The following PTPRK variants were observed in gnomAD, a reference collection of about 807,000 sequenced individuals.
The protein encoded by PTPRK is protein tyrosine phosphatase receptor type K.
Under a neutral mutation model 178.0 loss-of-function variants are expected in PTPRK, and 75 were observed. The ratio of observed to expected loss-of-function variants is 0.42; its 90% CI spans 0.35 to 0.51. The LOEUF (loss-of-function observed/expected upper bound fraction) is 0.51. Ranked by LOEUF, PTPRK falls within the 20% of genes least tolerant of loss-of-function variation. PTPRK has a pLI of 0.02. For missense variants in PTPRK, 1,441 were observed against 1,797.8 expected (o/e 0.80, Z 3.59); for synonymous variants, 637 against 620.6 (o/e 1.03, Z -0.39).
chr6:128,163,749 A>G lies in PTPRK; in HGVS notation c.1162+20683T>C, dbSNP rs561069373. Among the ~76,000 whole-genome samples the G allele has an allele frequency of 1.5e-4, 23 of 151,640 alleles. No homozygotes were observed. In the East Asian group the frequency reaches 4.3e-3, roughly 28 times the overall value. ...CATTTAATAGAGGGAAGTCTAATAAATATTGTAATTTCAAAGTAGTGAACA... is the reference window on the plus strand; with the variant it reads ...CATTTAATAGAGGGAAGTCTAATAAGTATTGTAATTTCAAAGTAGTGAACA... On this transcript the variant is annotated intron_variant, in intron 7 of 29. Coordinates refer to ENST00000368226, the MANE Select transcript of PTPRK (RefSeq NM_002844.4).
At chr6:128,332,314 T>C (rs1830380926) in intron 2 of PTPRK, among the ~76,000 whole-genome samples, 1 of 152,216 alleles carries the variant, frequency 6.6e-6, no homozygotes. Context: ...TATAATAGGT[T>C]TTGATTTCCT....
At chr6:128,306,102 T>C (rs961227016) in intron 3 of PTPRK, among the ~76,000 whole-genome samples, 1 of 152,180 alleles carries the variant, frequency 6.6e-6, no homozygotes, top group Non-Finnish European at 1.5e-5. Context: ...GATTCAGTTA[T>C]CTTCACCTGT....
chr6:128,225,546 T>C (rs1008971276), intron 5 of PTPRK, among the ~76,000 whole-genome samples: 6 of 152,172 alleles, frequency 3.9e-5, no homozygotes, highest in African/African-American at 1.4e-4. Context: ...ATAAAGATAC[T>C]ATCATCATCA....
chr6:128,023,062 A>G (rs1773772145), intron 13 of PTPRK, among the ~76,000 whole-genome samples: 1 of 152,224 alleles, frequency 6.6e-6, no homozygotes, highest in African/African-American at 2.4e-5. Flanking sequence ...TCTGACCTGT[A>G]GTGAACTCAG....
intron 13 of PTPRK, among the ~76,000 whole-genome samples, chr6:128,052,304 C>T (rs915152318): frequency 6.6e-6 from 1 of 152,164 alleles, no homozygotes; most frequent in African/African-American, 2.4e-5. Context: ...GACGTTCAAA[C>T]TTAAGAAAAT....
Position 128,066,975 on chromosome 6 carries a change from G to A in PTPRK, c.2157+544C>T, listed in dbSNP as rs547585122. On this transcript the variant is annotated intron_variant, in intron 12 of 29. Coordinates refer to ENST00000368226, the MANE Select transcript of PTPRK (RefSeq NM_002844.4). Reference sequence around the variant, plus strand: ...TGTAATGGCTCAGCAGCCAGTCATCGCCAGGCTGCCTTTTGTTTAGGTTCA... The same window carrying A: ...TGTAATGGCTCAGCAGCCAGTCATCACCAGGCTGCCTTTTGTTTAGGTTCA... 2.8e-4 allele frequency among the ~76,000 whole-genome samples: 43 copies of A among 152,212 alleles called. No homozygotes were observed. In the East Asian group the frequency reaches 7.1e-3, roughly 25 times the overall value.
intron 15 of PTPRK, among the ~76,000 whole-genome samples, chr6:128,002,234 G>C (rs1031009037): frequency 1.3e-5 from 2 of 151,662 alleles, no homozygotes; most frequent in Non-Finnish European, 2.9e-5. Context: ...ATTGAACATT[G>C]ATTGTATGTA....
At chr6:128,366,785 T>C (rs1198993613) in intron 2 of PTPRK, among the ~76,000 whole-genome samples, 1 of 152,082 alleles carries the variant, frequency 6.6e-6, no homozygotes, top group East Asian at 1.9e-4. Context: ...TCATGAAACA[T>C]AAAAGAGAGT....
intron 3 of PTPRK, among the ~76,000 whole-genome samples, chr6:128,268,315 G>A (rs1819269144): frequency 6.6e-6 from 1 of 151,862 alleles, no homozygotes; most frequent in African/African-American, 2.4e-5. Context: ...TTAAATTGAT[G>A]GTGATGACTT....
At chr6:128,324,183 C>A (rs965218943) in intron 2 of PTPRK, among the ~76,000 whole-genome samples, 1 of 152,020 alleles carries the variant, frequency 6.6e-6, no homozygotes, top group Non-Finnish European at 1.5e-5. Flanking sequence ...ACAGTTCCAC[C>A]CCCTCCCCTC....
At chr6:128,384,627 G>T (rs1400610489) in intron 2 of PTPRK, among the ~76,000 whole-genome samples, 1 of 152,158 alleles carries the variant, frequency 6.6e-6, no homozygotes, top group Non-Finnish European at 1.5e-5. Flanking sequence ...TAAAACATCA[G>T]AATAGTACAG....
chr6:128,466,172 A>G lies in PTPRK; in HGVS notation c.100+54087T>C, dbSNP rs545441822. Among the ~76,000 whole-genome samples, 6 of 152,260 alleles carry G rather than the reference A, an allele frequency of 3.9e-5. No individual in the cohort carries two copies. In the South Asian group the frequency reaches 6.2e-4, roughly 16 times the overall value. Reference sequence around the variant, plus strand: ...GTTTTTTTCCTGAATGTTTTCTTGTAGCAACTACTGTCAGTTTACTTGGCT... The same window carrying G: ...GTTTTTTTCCTGAATGTTTTCTTGTGGCAACTACTGTCAGTTTACTTGGCT... On this transcript the variant is annotated intron_variant, in intron 1 of 29. Transcript: ENST00000368226.
chr6:128,486,377 C>T (rs978087085), intron 1 of PTPRK, among the ~76,000 whole-genome samples: 27 of 152,066 alleles, frequency 1.8e-4, no homozygotes, highest in African/African-American at 6.3e-4. Flanking sequence ...GGTAAACTAA[C>T]TATGACACCA....
At chr6:128,100,129 T>C (rs999342254) in intron 7 of PTPRK, among the ~76,000 whole-genome samples, 2 of 151,834 alleles carry the variant, frequency 1.3e-5, no homozygotes, top group African/African-American at 4.8e-5. Flanking sequence ...CAAAAAGAAT[T>C]ACAAAACTGC....
chr6:128,222,514 C>T (rs1401829850), intron 5 of PTPRK, among the ~76,000 whole-genome samples: 1 of 152,188 alleles, frequency 6.6e-6, no homozygotes, highest in Non-Finnish European at 1.5e-5. Flanking sequence ...CTCAAACTCA[C>T]TTTGGCCTCA....
chr6:128,279,233 C>A (rs946949649), intron 3 of PTPRK, among the ~76,000 whole-genome samples: 5 of 149,726 alleles, frequency 3.3e-5, no homozygotes, highest in Non-Finnish European at 5.9e-5. Flanking sequence ...AAAAAGATGT[C>A]TGGAAAAATT....
intron 3 of PTPRK, among the ~76,000 whole-genome samples, chr6:128,256,503 C>A (rs961576383): frequency 1.3e-5 from 2 of 149,272 alleles, no homozygotes; most frequent in Admixed American, 1.3e-4. Flanking sequence ...AGTGCAGTGG[C>A]GATCTTGGCT....
intron 2 of PTPRK, among the ~76,000 whole-genome samples, chr6:128,330,170 A>G (rs1462358923): frequency 1.3e-5 from 2 of 152,224 alleles, no homozygotes; most frequent in African/African-American, 4.8e-5. Flanking sequence ...TTAAGAAGCA[A>G]TAATCAGGAT....
chr6:128,100,931 G>A (rs986461393), intron 7 of PTPRK, among the ~76,000 whole-genome samples: 1 of 151,886 alleles, frequency 6.6e-6, no homozygotes, highest in Non-Finnish European at 1.5e-5. Context: ...ATTTAATTAA[G>A]ATATTTTCTA....
Sources: allele counts gnomAD v4.1 joint callset (sites outside exome capture counted in the v4.1 genomes callset), GRCh38; gene constraint gnomAD v4.1.1; transcripts MANE v1.5; gene names NCBI Gene and HGNC (gene_info 2026-07-23, HGNC 2026-07-21).